The following PLLP variants were observed in gnomAD, a reference collection of about 807,000 sequenced individuals.
PLLP encodes the protein plasmolipin.
Under a neutral mutation model 19.7 loss-of-function variants are expected in PLLP, and 15 were observed. That is an observed-to-expected ratio of 0.76 (90% confidence interval 0.51 to 1.17). The LOEUF (loss-of-function observed/expected upper bound fraction) is 1.17, where lower values mean the gene tolerates loss of function less well. PLLP is among the 50% of genes most tolerant of loss of function. PLLP has a pLI of 0.00. For missense variants in PLLP, 255 were observed against 258.3 expected, an observed-to-expected ratio of 0.99 and a Z score of 0.09; for synonymous variants, 111 against 116.3, an observed-to-expected ratio of 0.95 and a Z score of 0.29.
At position 57,281,722 on chromosome 16, in the gene PLLP, G is replaced by A. The variant is rs138522866; in HGVS notation, c.135+2684C>T. Among the ~76,000 whole-genome samples the A allele has an allele frequency of 9.6e-4, 146 of 151,950 alleles. 2 individuals are homozygous for A. The East Asian group carries it at 0.026, about 27-fold the overall frequency. On this transcript the variant is annotated intron_variant, in intron 1 of 3. Transcript: ENST00000219207. The stretch of plus-strand genomic sequence containing the variant: ...GAGATGGGGTTTCACCCTGTTAGCC[G>A]GGATGGTCTCCGTCTCCTGACCTCG...
rs2075432602 is a variant in PLLP, at chr16:57,258,480, G to C, written c.414C>G (p.Asn138Lys). 6.2e-7 allele frequency: 1 copy of C among 1,612,178 alleles called. No homozygotes were observed. Among genetic ancestry groups the C allele is most frequent in the Non-Finnish European group, 8.5e-7 (1 of 1,179,926 alleles). ...LTSLRGTRPY[N>K]QRAAASFFAC... ...GACTCACCGAGGCAGCCGCGCGCTG[G>C]TTATAAGGCCGGGTGCCCCTCAGGG... The change falls in exon 3 of 4, where the codon AAC becomes AAG. Residue 138 changes from asparagine to lysine, a missense_variant. Coordinates refer to ENST00000219207, the MANE Select transcript of PLLP (RefSeq NM_015993.3).
intron 3 of PLLP, 30 bp from the exon 4 acceptor site, chr16:57,257,059 C>T (rs1409864534): frequency 1.3e-6 from 2 of 1,495,164 alleles, no homozygotes; most frequent in East Asian, 2.3e-5. Context: ...GGCTTAAGGA[C>T]CGAGAGGGTG....
chr16:57,260,468 C>T (rs2075438702), intron 2 of PLLP, among the ~76,000 whole-genome samples: 1 of 152,130 alleles, frequency 6.6e-6, no homozygotes, highest in Non-Finnish European at 1.5e-5. Flanking sequence ...CCCTGCAAGC[C>T]CAGCGACCCC....
chr16:57,274,938 T>C (rs112771043), intron 1 of PLLP, among the ~76,000 whole-genome samples: 77,318 of 151,436 alleles, frequency 0.51, 20,101 homozygotes, highest in South Asian at 0.7. Context: ...ATTTTTTGTA[T>C]TTTTAGTAGA....
chr16:57,281,650 G>A (rs1189245953), intron 1 of PLLP, among the ~76,000 whole-genome samples: 4 of 151,744 alleles, frequency 2.6e-5, no homozygotes, highest in African/African-American at 7.3e-5. Flanking sequence ...AGCTGGGACT[G>A]CAGGCACCCA....
At chr16:57,277,613 G>T (rs1361288502) in intron 1 of PLLP, among the ~76,000 whole-genome samples, 1 of 152,070 alleles carries the variant, frequency 6.6e-6, no homozygotes, top group Non-Finnish European at 1.5e-5. Context: ...TAAAAATAAA[G>T]AAAAAGAAAT....
chr16:57,265,296 G>T (rs1013361518), intron 1 of PLLP, among the ~76,000 whole-genome samples: 5 of 152,238 alleles, frequency 3.3e-5, no homozygotes, highest in African/African-American at 1.2e-4. Context: ...GAGAGGCCAC[G>T]AACCCCCAGA....
chr16:57,258,351 G>A, intron 3 of PLLP, 111 bp downstream of exon 3: 1 of 1,106,336 alleles, frequency 9.0e-7, no homozygotes. Context: ...GAGTGTTCAG[G>A]TGACAACCCC....
intron 1 of PLLP, among the ~76,000 whole-genome samples, chr16:57,275,701 A>G (rs1901145488): frequency 6.6e-6 from 1 of 151,732 alleles, no homozygotes; most frequent in Admixed American, 6.6e-5. Context: ...AAACAAACAA[A>G]TTAGGAAAGA....
At chr16:57,258,342 A>G (rs905997262) in intron 3 of PLLP, 120 bp downstream of exon 3, 19 of 956,458 alleles carry the variant, frequency 2.0e-5, no homozygotes, top group Middle Eastern at 2.7e-4. Flanking sequence ...AGACCCACTG[A>G]GTGTTCAGGT....
chr16:57,265,522 A>G (rs1356045536), intron 1 of PLLP, among the ~76,000 whole-genome samples: 1 of 152,232 alleles, frequency 6.6e-6, no homozygotes, highest in Non-Finnish European at 1.5e-5. Flanking sequence ...AGAAAAGACC[A>G]ATTCAGGTTT....
intron 3 of PLLP, among the ~76,000 whole-genome samples, chr16:57,257,681 G>A (rs1446646625): frequency 2.0e-5 from 3 of 152,232 alleles, no homozygotes; most frequent in Non-Finnish European, 4.4e-5. Flanking sequence ...GACAGGCGTG[G>A]AGGGGACTAC....
rs143221173 is a variant in PLLP at position 57,258,473 on chromosome 16, C to T, written c.421G>A (p.Ala141Thr). The change falls in exon 3 of 4, where the codon GCG becomes ACG. Residue 141 changes from alanine (A) to threonine (T), a missense_variant. Physicochemically the swap from Ala to Thr is moderately conservative, Grantham distance 58 (BLOSUM62 0). Coordinates refer to ENST00000219207, the MANE Select transcript of PLLP (RefSeq NM_015993.3). ...GGAAGCAGACTCACCGAGGCAGCCG[C>T]GCGCTGGTTATAAGGCCGGGTGCCC... is the stretch of plus-strand genomic sequence containing the variant. ...LRGTRPYNQR[A>T]AASFFACLVM... 1.3e-4 allele frequency: 204 copies of T among 1,611,190 alleles called. No homozygotes were observed. The highest frequency in any genetic ancestry group is 2.5e-4 in the Admixed American group (15 of 59,994).
At chr16:57,270,308 C>A (rs1438048182) in intron 1 of PLLP, among the ~76,000 whole-genome samples, 2 of 140,894 alleles carry the variant, frequency 1.4e-5, no homozygotes, top group African/African-American at 5.4e-5. Context: ...CTTCCCCAGC[C>A]CCTGAGTCCA....
chr16:57,273,461 T>G (rs1422085025), intron 1 of PLLP, among the ~76,000 whole-genome samples: 1 of 152,074 alleles, frequency 6.6e-6, no homozygotes. Flanking sequence ...TGCAACTCCC[T>G]GTGAGACCCT....
rs1901259417 is a variant in PLLP at position 57,284,512 on chromosome 16, G to A, written c.29C>T (p.Thr10Met). Residue 10 changes from threonine to methionine, a missense_variant, in exon 1 of 4, where the codon ACG (threonine) becomes ATG (methionine). Coordinates refer to ENST00000219207, the MANE Select transcript of PLLP (RefSeq NM_015993.3). ...GCCCTGCGCAGGACTGCTGGTCCGC[G>A]TGCTAACTTTCGACGGGAACTCGGC... MAEFPSKVS[T>M]RTSSPAQGAE... is the part of the protein sequence containing the mutation. 1 of 1,401,272 alleles carries A rather than the reference G, an allele frequency of 7.1e-7. No homozygotes were observed. Among genetic ancestry groups the A allele is most frequent in the Non-Finnish European group, 9.4e-7 (1 of 1,066,844 alleles). The allele number at this position is 1,401,272 out of a possible 1,614,324, so 86.8% of individuals were successfully genotyped here.
At chr16:57,265,315 G>A (rs1172710492) in intron 1 of PLLP, among the ~76,000 whole-genome samples, 1 of 152,264 alleles carries the variant, frequency 6.6e-6, no homozygotes, top group Non-Finnish European at 1.5e-5. Context: ...GAGCTGGGGG[G>A]AGGCCAGTGT....
rs2075427199 is a variant in PLLP, at chr16:57,256,825, G to A, written c.*88C>T. 5.8e-6 allele frequency: 5 copies of A among 855,292 alleles called. No homozygotes were observed. The highest frequency in any genetic ancestry group is 3.7e-5 in the Admixed American group (2 of 54,064). 53.0% of individuals were successfully genotyped at this position (855,292 alleles called of 1,614,324 possible). ...GTCCCTGTTGGGCTGACTCCACGCA[G>A]GGCTCCCCAGCTTCAGGCTTGCAGG... On this transcript the variant is annotated 3_prime_UTR_variant, in exon 4 of 4. Coordinates refer to ENST00000219207, the MANE Select transcript of PLLP (RefSeq NM_015993.3).
intron 1 of PLLP, among the ~76,000 whole-genome samples, chr16:57,268,021 C>T (rs1321139032): frequency 6.6e-6 from 1 of 151,974 alleles, no homozygotes; most frequent in Non-Finnish European, 1.5e-5. Flanking sequence ...GACACAGAGA[C>T]CACAAGGGGA....
Sources: gnomAD v4.1 joint callset for allele counts (sites outside exome capture counted in the v4.1 genomes callset) on GRCh38, gnomAD v4.1.1 for gene constraint, MANE v1.5 for transcripts, NCBI Gene and HGNC (gene_info 2026-07-23, HGNC 2026-07-21) for gene names.